MXI1: variants seen among roughly 807,000 people sequenced by gnomAD.
MXI1 encodes max-interacting protein 1.
A neutral mutation model predicts 36.9 loss-of-function variants in MXI1; 18 were observed. The ratio of observed to expected loss-of-function variants is 0.49; its 90% CI spans 0.34 to 0.72. The LOEUF (loss-of-function observed/expected upper bound fraction) is 0.72, where lower values mean the gene tolerates loss of function less well. Among genes scored for constraint, MXI1 ranks in the 30% least tolerant of loss-of-function variants. The pLI, the probability that MXI1 is intolerant of heterozygous loss-of-function variation, is 0.01. For missense variants in MXI1, 304 were observed against 379.1 expected, an observed-to-expected ratio of 0.80 and a Z score of 1.64; for synonymous variants, 160 against 146.7, an observed-to-expected ratio of 1.09 and a Z score of -0.65.
chr10:110,229,712 T>C (rs1284922961), intron 2 of MXI1, among the ~76,000 whole-genome samples: 1 of 152,220 alleles, frequency 6.6e-6, no homozygotes, highest in Admixed American at 6.5e-5. Context: ...ATGGTGTATT[T>C]GAGATGAAAA....
intron 1 of MXI1, among the ~76,000 whole-genome samples, chr10:110,221,347 T>G (rs2134338310): frequency 6.6e-6 from 1 of 152,320 alleles, no homozygotes; most frequent in South Asian, 2.1e-4. Flanking sequence ...AGAAACAAGC[T>G]TAATGACACA....
intron 1 of MXI1, chr10:110,227,362 G>C (rs1418715962): frequency 8.1e-6 from 8 of 986,612 alleles, no homozygotes; most frequent in Non-Finnish European, 9.6e-6. Flanking sequence ...ATCGTGAGTG[G>C]AGGCGTGTGT....
intron 2 of MXI1, among the ~76,000 whole-genome samples, chr10:110,231,955 C>T (rs560169411): frequency 1.3e-5 from 2 of 151,666 alleles, no homozygotes; most frequent in Non-Finnish European, 2.9e-5. Flanking sequence ...AACTTCCTAC[C>T]TGGTGTCCCT....
chr10:110,261,194 G>C, intron 3 of MXI1: 1 of 935,644 alleles, frequency 1.1e-6, no homozygotes, highest in Non-Finnish European at 1.3e-6. Flanking sequence ...AATAAAAGTA[G>C]CTTTTAAATA....
intron 3 of MXI1, among the ~76,000 whole-genome samples, chr10:110,246,314 G>A (rs1855862372): frequency 6.6e-6 from 1 of 151,866 alleles, no homozygotes; most frequent in South Asian, 2.1e-4. Flanking sequence ...CAGAGAGTGA[G>A]ACCCTGTCTT....
At chr10:110,227,674 G>A (rs538997661) in intron 1 of MXI1, 1 of 524,194 alleles carries the variant, frequency 1.9e-6, no homozygotes, top group Non-Finnish European at 2.5e-6. Context: ...GTGATGAGAT[G>A]GGGTCCCTTT....
chr10:110,245,007 C>T (rs1855812913), intron 3 of MXI1, 150 bp downstream of exon 3: 2 of 713,240 alleles, frequency 2.8e-6, no homozygotes, highest in African/African-American at 1.8e-5. Flanking sequence ...TGTATTTTCT[C>T]CAAAAAATGA....
chr10:110,219,025 C>T (rs1330458976), intron 1 of MXI1, among the ~76,000 whole-genome samples: 2 of 152,182 alleles, frequency 1.3e-5, no homozygotes, highest in African/African-American at 2.4e-5. Flanking sequence ...TTTGTCTGGG[C>T]GAGGTGGCTC....
chr10:110,213,917 T>G (rs145018152), intron 1 of MXI1, among the ~76,000 whole-genome samples: 423 of 152,328 alleles, frequency 2.8e-3, no homozygotes, highest in Non-Finnish European at 4.4e-3. Flanking sequence ...TGGCTACAAT[T>G]TATTGAACAC....
At chr10:110,251,568 T>C (rs1590373748) in intron 3 of MXI1, among the ~76,000 whole-genome samples, 1 of 152,118 alleles carries the variant, frequency 6.6e-6, no homozygotes, top group African/African-American at 2.4e-5. Context: ...GTGAATCATT[T>C]TGAAAAAGAA....
chr10:110,250,322 G>A (rs1308514683), intron 3 of MXI1, among the ~76,000 whole-genome samples: 1 of 152,096 alleles, frequency 6.6e-6, no homozygotes, highest in Non-Finnish European at 1.5e-5. Flanking sequence ...TACTTCAGTT[G>A]TTCTGCATTC....
At chr10:110,228,958 G>A (rs548241302) in intron 2 of MXI1, among the ~76,000 whole-genome samples, 90 of 152,334 alleles carry the variant, frequency 5.9e-4, no homozygotes, top group Non-Finnish European at 1.1e-3. Flanking sequence ...AGTGGCTTAC[G>A]CCTGTAATTC....
chr10:110,250,218 G>A (rs192821130), intron 3 of MXI1, among the ~76,000 whole-genome samples: 8 of 152,232 alleles, frequency 5.3e-5, no homozygotes, highest in Admixed American at 5.2e-4. Context: ...GTATGCTCTA[G>A]ATGGTTCAGA....
rs148923727 is a variant in MXI1, at chr10:110,270,219, A to G, written c.438-8961A>G. On this transcript the variant is annotated intron_variant, in intron 3 of 5. Coordinates refer to ENST00000332674, the MANE Select transcript of MXI1 (RefSeq NM_130439.3). The stretch of plus-strand genomic sequence containing the variant: ...AGACTTTGAAACTTGGAATACAGAA[A>G]GTTCTTGTGTGACCAAAGAAGAAAT... Among the ~76,000 whole-genome samples the G allele has an allele frequency of 1.4e-4, 22 of 152,358 alleles. No individual in the cohort carries two copies. The East Asian group carries it at 4.2e-3, about 29-fold the overall frequency.
chr10:110,243,717 C>G (rs1855754861), intron 2 of MXI1, among the ~76,000 whole-genome samples: 1 of 152,072 alleles, frequency 6.6e-6, no homozygotes, highest in African/African-American at 2.4e-5. Flanking sequence ...CTAATAGTAG[C>G]TAACTTTAGA....
intron 1 of MXI1, chr10:110,227,202 C>G (rs1192636128): frequency 3.5e-5 from 9 of 260,674 alleles, no homozygotes; most frequent in Non-Finnish European, 4.2e-5. Context: ...GAGGGTCGCG[C>G]GTGTGTGAGG....
intron 5 of MXI1, among the ~76,000 whole-genome samples, chr10:110,280,674 C>T (rs1470209027): frequency 2.1e-5 from 3 of 146,228 alleles, no homozygotes; most frequent in Non-Finnish European, 3.0e-5. Context: ...AGTGAGGTTC[C>T]GTCTCAAAAA....
intron 3 of MXI1, among the ~76,000 whole-genome samples, chr10:110,274,179 G>A (rs1023477019): frequency 6.6e-5 from 10 of 152,188 alleles, no homozygotes; most frequent in Non-Finnish European, 2.9e-5. Context: ...AGGGAAAAAT[G>A]ATACCAATCT....
chr10:110,214,874 A>G (rs1236701245), intron 1 of MXI1, among the ~76,000 whole-genome samples: 2 of 150,714 alleles, frequency 1.3e-5, no homozygotes, highest in African/African-American at 4.9e-5. Context: ...GGAGAGAAAG[A>G]AAAAGAAATA....
Sources: gnomAD v4.1 joint callset for allele counts (sites outside exome capture counted in the v4.1 genomes callset) on GRCh38, gnomAD v4.1.1 for gene constraint, MANE v1.5 for transcripts, NCBI Gene and HGNC (gene_info 2026-07-23, HGNC 2026-07-21) for gene names.